Variants in DCHS2 observed in about 807,000 individuals in gnomAD.
DCHS2 encodes protocadherin-23.
Under a neutral mutation model 182.4 loss-of-function variants are expected in DCHS2, and 142 were observed. That is an observed-to-expected ratio of 0.78 (90% CI 0.68 to 0.89). The LOEUF is 0.89. Among genes scored for constraint, DCHS2 ranks in the 40% least tolerant of loss-of-function variants. DCHS2 has a pLI of 0.00. For synonymous variants in DCHS2, 1,740 were observed against 1,663.3 expected, an observed-to-expected ratio of 1.05 and a Z score of -1.12; for missense variants, 4,319 against 4,198.6, an observed-to-expected ratio of 1.03 and a Z score of -0.79.
intron 1 of DCHS2, among the ~76,000 whole-genome samples, chr4:154,389,535 T>TATATATATATATATATATAC (rs1243968167): frequency 6.8e-6 from 1 of 146,018 alleles, no homozygotes; most frequent in African/African-American, 2.5e-5. Context: ...TATATATATA[T>TATATATATATATATATATAC]AACCTTTTTT....
intron 13 of DCHS2, among the ~76,000 whole-genome samples, chr4:154,273,508 CTGTT>C (rs1428243737): frequency 1.3e-5 from 2 of 152,064 alleles, no homozygotes; most frequent in Non-Finnish European, 2.9e-5. Context: ...ACTATATACA[CTGTT>C]TGGGTGACGG....
At chr4:154,456,101 A>G (rs1224227591) in intron 1 of DCHS2, among the ~76,000 whole-genome samples, 1 of 151,782 alleles carries the variant, frequency 6.6e-6, no homozygotes, top group Non-Finnish European at 1.5e-5. Context: ...AAAAAAAAAA[A>G]GTAATAATTT....
chr4:154,250,475 A>AATT (rs1412933085), intron 16 of DCHS2, among the ~76,000 whole-genome samples: 2 of 152,082 alleles, frequency 1.3e-5, no homozygotes, highest in African/African-American at 4.8e-5. Context: ...TATTATTTTC[A>AATT]ATTGCCAAAA....
intron 1 of DCHS2, among the ~76,000 whole-genome samples, chr4:154,437,706 C>T (rs1733838818): frequency 6.6e-6 from 1 of 152,118 alleles, no homozygotes; most frequent in African/African-American, 2.4e-5. Flanking sequence ...CCTTGACTGA[C>T]TTACAGTACC....
intron 15 of DCHS2, among the ~76,000 whole-genome samples, chr4:154,258,367 CTTTTTTTTT>C (rs771510956): frequency 3.4e-5 from 2 of 58,850 alleles, no homozygotes; most frequent in African/African-American, 7.3e-5. Context: ...AAAAGAAAGG[CTTTTTTTTT>C]TTTTTTTTTT....
chr4:154,272,411 C>T (rs1428138707), intron 13 of DCHS2: 4 of 152,088 alleles, frequency 2.6e-5, no homozygotes, highest in Non-Finnish European at 5.9e-5. Context: ...GGCTTTGTGT[C>T]CCCACCCAAA....
intron 2 of DCHS2, among the ~76,000 whole-genome samples, chr4:154,372,440 A>G (rs1376693788): frequency 6.6e-6 from 1 of 152,224 alleles, no homozygotes; most frequent in East Asian, 1.9e-4. Flanking sequence ...TGAAGAGCTC[A>G]GTCCGTTTAC....
intron 13 of DCHS2, among the ~76,000 whole-genome samples, chr4:154,287,534 G>A (rs1285921689): frequency 6.6e-6 from 1 of 152,146 alleles, no homozygotes; most frequent in Non-Finnish European, 1.5e-5. Context: ...AGGTTGGAGT[G>A]CAGTGGTATG....
intron 16 of DCHS2, among the ~76,000 whole-genome samples, chr4:154,249,645 T>C (rs1732255549): frequency 6.6e-6 from 1 of 152,064 alleles, no homozygotes; most frequent in Admixed American, 6.6e-5. Flanking sequence ...CTATTCACAA[T>C]AGCAAAAAGG....
At chr4:154,385,842 C>A (rs1049516358) in intron 1 of DCHS2, among the ~76,000 whole-genome samples, 1 of 151,998 alleles carries the variant, frequency 6.6e-6, no homozygotes, top group Non-Finnish European at 1.5e-5. Flanking sequence ...GTTACTGCAG[C>A]CCTAGGAAAT....
chr4:154,261,412 AATTT>A (rs1732979293), intron 14 of DCHS2, among the ~76,000 whole-genome samples: 1 of 152,148 alleles, frequency 6.6e-6, no homozygotes, highest in Non-Finnish European at 1.5e-5. Flanking sequence ...GTGAACTCTG[AATTT>A]AGAAAGAGAA....
At chr4:154,316,870 G>A (rs1438474581) in intron 9 of DCHS2, among the ~76,000 whole-genome samples, 1 of 152,152 alleles carries the variant, frequency 6.6e-6, no homozygotes, top group Non-Finnish European at 1.5e-5. Context: ...TGCCATTTAA[G>A]CATATAAACC....
chr4:154,457,025 G>C (rs902186297), intron 1 of DCHS2, among the ~76,000 whole-genome samples: 4 of 152,076 alleles, frequency 2.6e-5, no homozygotes, highest in Non-Finnish European at 5.9e-5. Flanking sequence ...TTCCATGAAG[G>C]CATGACCATC....
chr4:154,401,114 T>C (rs1007804844), intron 1 of DCHS2, among the ~76,000 whole-genome samples: 10 of 152,228 alleles, frequency 6.6e-5, no homozygotes, highest in Non-Finnish European at 1.2e-4. Flanking sequence ...TCTATCACCA[T>C]AGATTAATTT....
chr4:154,396,871 T>G (rs1316890957), intron 1 of DCHS2, among the ~76,000 whole-genome samples: 1 of 152,206 alleles, frequency 6.6e-6, no homozygotes, highest in Non-Finnish European at 1.5e-5. Flanking sequence ...TTCCTCTGAA[T>G]TCTCAGCGCT....
chr4:154,333,538 G>A, intron 4 of DCHS2, 44 bp from the exon 5 acceptor site: 2 of 1,531,858 alleles, frequency 1.3e-6, no homozygotes, highest in Non-Finnish European at 8.8e-7. Context: ...CAAAAGGGTG[G>A]ACCCACTGGA....
intron 10 of DCHS2, among the ~76,000 whole-genome samples, chr4:154,311,406 A>T (rs58587063): frequency 0.26 from 39,339 of 150,100 alleles, 6,040 homozygotes; most frequent in South Asian, 0.35. Flanking sequence ...AAATTTTTAT[A>T]TTTTTTTTTG....
intron 1 of DCHS2, among the ~76,000 whole-genome samples, chr4:154,445,826 CGAAA>C (rs1303264889): frequency 2.2e-5 from 3 of 138,914 alleles, no homozygotes; most frequent in African/African-American, 8.0e-5. Context: ...AAAAAAAAAA[CGAAA>C]GAAAGAAAGT....
intron 1 of DCHS2, among the ~76,000 whole-genome samples, chr4:154,383,044 C>A (rs1055722707): frequency 2.0e-5 from 3 of 152,156 alleles, no homozygotes; most frequent in African/African-American, 7.2e-5. Flanking sequence ...CTTGCATATT[C>A]ATCACAGTGC....
Sources: allele counts gnomAD v4.1 joint callset (sites outside exome capture counted in the v4.1 genomes callset), GRCh38; gene constraint gnomAD v4.1.1; transcripts MANE v1.5; gene names NCBI Gene and HGNC (gene_info 2026-07-23, HGNC 2026-07-21).